Variants in CYSTM1 observed in about 807,000 individuals in gnomAD.
CYSTM1 encodes the protein cysteine-rich transmembrane module-containing protein 1.
In CYSTM1, 4 loss-of-function variants were observed where a neutral mutation model predicts 13.1. That is an observed-to-expected ratio of 0.31 (90% confidence interval 0.15 to 0.70). The LOEUF is 0.70. Among genes scored for constraint, CYSTM1 ranks in the 30% least tolerant of loss-of-function variants. The pLI, the probability that CYSTM1 is intolerant of heterozygous loss-of-function variation, is 0.72. For missense variants in CYSTM1, 96 were observed against 121.6 expected, an observed-to-expected ratio of 0.79 and a Z score of 0.99; for synonymous variants, 36 against 42.7, an observed-to-expected ratio of 0.84 and a Z score of 0.62.
At chr5:140,222,104 C>T (rs1017581133) in intron 2 of CYSTM1, among the ~76,000 whole-genome samples, 9 of 152,172 alleles carry the variant, frequency 5.9e-5, no homozygotes, top group Non-Finnish European at 8.8e-5. Context: ...TTGAGCTGGG[C>T]TTTTGGCCTT....
In CYSTM1 at chr5:140,175,364, C is replaced by T. The variant is rs755269618; in HGVS notation, c.-21+79C>T. On this transcript the variant is annotated intron_variant, in intron 1 of 2. Coordinates refer to ENST00000261811, the MANE Select transcript of CYSTM1 (RefSeq NM_032412.4). The surrounding 1 kb of genome is among the most constrained non-coding windows in gnomAD (Gnocchi z 4.9). ...CACGGACAGGGCGCGTCCCCGGGCT[C>T]CCTGGGGAGCGCCCTGAGAACTGGG... 1 of 152,524 alleles carries T rather than the reference C, an allele frequency of 6.6e-6. No individual in the cohort carries two copies. Among genetic ancestry groups the T allele is most frequent in the Non-Finnish European group, 1.5e-5 (1 of 68,320 alleles). The allele number at this position is 152,524 out of a possible 1,614,324, so 9.4% of individuals were successfully genotyped here.
intron 2 of CYSTM1, among the ~76,000 whole-genome samples, chr5:140,222,867 A>G (rs987383217): frequency 2.6e-5 from 4 of 152,202 alleles, no homozygotes; most frequent in Non-Finnish European, 5.9e-5. Context: ...AGACAGTCCT[A>G]TTTTCTTTGT....
At chr5:140,194,707 T>C in intron 2 of CYSTM1, 55 bp downstream of exon 2, 1 of 1,536,328 alleles carries the variant, frequency 6.5e-7, no homozygotes, top group South Asian at 1.2e-5. Flanking sequence ...AGGAAATGTT[T>C]GCATGTTTTC....
chr5:140,213,857 G>A (rs1372680572), intron 2 of CYSTM1, among the ~76,000 whole-genome samples: 1 of 152,174 alleles, frequency 6.6e-6, no homozygotes, highest in Non-Finnish European at 1.5e-5. Context: ...TGACAAAAAT[G>A]CCTAACAATG....
At chr5:140,177,137 A>C (rs893124311) in intron 1 of CYSTM1, among the ~76,000 whole-genome samples, 1 of 151,476 alleles carries the variant, frequency 6.6e-6, no homozygotes, top group African/African-American at 2.4e-5. Flanking sequence ...AAGGCTGCGT[A>C]AGTGTTAGTT....
chr5:140,193,970 A>G (rs1226475628), intron 1 of CYSTM1, among the ~76,000 whole-genome samples: 3 of 152,220 alleles, frequency 2.0e-5, no homozygotes, highest in Admixed American at 2.0e-4. Flanking sequence ...AGAAGGCCCC[A>G]CTGTGGCCCA....
chr5:140,181,616 A>G (rs1221426990), intron 1 of CYSTM1, among the ~76,000 whole-genome samples: 1 of 152,208 alleles, frequency 6.6e-6, no homozygotes, highest in Non-Finnish European at 1.5e-5. Context: ...CTGAGTAGCT[A>G]GGACTACAGG....
chr5:140,238,523 G>T (rs1395237940), intron 2 of CYSTM1, among the ~76,000 whole-genome samples: 1 of 152,124 alleles, frequency 6.6e-6, no homozygotes, highest in Non-Finnish European at 1.5e-5. Context: ...CTTGAACAGA[G>T]GCACAGTGGC....
chr5:140,225,908 G>C (rs1395301816), intron 2 of CYSTM1, among the ~76,000 whole-genome samples: 1 of 152,194 alleles, frequency 6.6e-6, no homozygotes, highest in African/African-American at 2.4e-5. Context: ...ACAGCGAGGG[G>C]CTAACTGATC....
chr5:140,177,076 A>AAAACAAAAAAAAAACAAAAAAC (rs1230073619), intron 1 of CYSTM1, among the ~76,000 whole-genome samples: 1 of 151,110 alleles, frequency 6.6e-6, no homozygotes, highest in African/African-American at 2.4e-5. Context: ...CTCAAAAAAA[A>AAAACAAAAAAAAAACAAAAAAC]AAAAAAAAAA....
intron 1 of CYSTM1, among the ~76,000 whole-genome samples, chr5:140,180,041 AGGCTGTGGAACT>A (rs1184282987): frequency 6.6e-6 from 1 of 152,188 alleles, no homozygotes; most frequent in Non-Finnish European, 1.5e-5. Flanking sequence ...CAGTAACAGA[AGGCTGTGGAACT>A]GGCAGCCTAT....
At position 140,179,431 on chromosome 5, in the gene CYSTM1, C is replaced by T. The variant is rs547451791; in HGVS notation, c.-21+4146C>T. Among the ~76,000 whole-genome samples the T allele has an allele frequency of 1.6e-4, 24 of 151,230 alleles. No individual in the cohort carries two copies. The South Asian group carries it at 3.4e-3, about 21-fold the overall frequency. On this transcript the variant is annotated intron_variant, in intron 1 of 2. Coordinates refer to ENST00000261811, the MANE Select transcript of CYSTM1 (RefSeq NM_032412.4). ...AAAACTAGCTGAGCATGGTGGCATA[C>T]GCCTGTAATCCCAGCTAAGTCGGGA...
At chr5:140,226,025 C>G (rs369607186) in intron 2 of CYSTM1, among the ~76,000 whole-genome samples, 1 of 152,338 alleles carries the variant, frequency 6.6e-6, no homozygotes, top group East Asian at 1.9e-4. Flanking sequence ...TTCTTTCTCC[C>G]TGTCTACAAG....
chr5:140,194,969 T>C (rs985820499), intron 2 of CYSTM1, among the ~76,000 whole-genome samples: 1 of 152,226 alleles, frequency 6.6e-6, no homozygotes, highest in Middle Eastern at 3.2e-3. Context: ...GCCAGCTTTG[T>C]ATTTTAGGTT....
intron 2 of CYSTM1, among the ~76,000 whole-genome samples, chr5:140,212,554 A>C (rs1044406337): frequency 1.3e-5 from 2 of 152,148 alleles, no homozygotes; most frequent in Middle Eastern, 3.4e-3. Context: ...TGATCCTCCC[A>C]CCTCAGCCTC....
intron 2 of CYSTM1, among the ~76,000 whole-genome samples, chr5:140,220,155 A>T (rs1764473056): frequency 6.6e-6 from 1 of 152,042 alleles, no homozygotes; most frequent in Non-Finnish European, 1.5e-5. Context: ...CTTTATTTCT[A>T]TGCTTCCCTG....
At chr5:140,177,068 C>A (rs77628056) in intron 1 of CYSTM1, among the ~76,000 whole-genome samples, 558 of 87,730 alleles carry the variant, frequency 6.4e-3, no homozygotes, top group South Asian at 9.7e-3. Context: ...GACTCTGTCT[C>A]AAAAAAAAAA....
intron 2 of CYSTM1, among the ~76,000 whole-genome samples, chr5:140,196,649 G>A (rs901680441): frequency 6.6e-6 from 1 of 152,206 alleles, no homozygotes; most frequent in Non-Finnish European, 1.5e-5. Context: ...GGAGTAGTTG[G>A]TATTCAGGCC....
At chr5:140,192,253 C>A (rs948497344) in intron 1 of CYSTM1, among the ~76,000 whole-genome samples, 15 of 152,200 alleles carry the variant, frequency 9.9e-5, no homozygotes, top group African/African-American at 3.4e-4. Flanking sequence ...ACCACATTTT[C>A]TAAAAATCAT....
Sources: gnomAD v4.1 joint callset for allele counts (sites outside exome capture counted in the v4.1 genomes callset) on GRCh38, gnomAD v4.1.1 for gene constraint, Gnocchi (gnomAD v3.1) non-coding constraint, MANE v1.5 for transcripts, NCBI Gene and HGNC (gene_info 2026-07-23, HGNC 2026-07-21) for gene names.